The following DRC1 variants were observed in gnomAD, a reference collection of about 807,000 sequenced individuals.
The protein encoded by DRC1 is dynein regulatory complex protein 1.
In DRC1, 74 loss-of-function variants were observed where a neutral mutation model predicts 98.7. That is an observed-to-expected ratio of 0.75 (90% confidence interval 0.62 to 0.91). DRC1 has a LOEUF of 0.91. DRC1 is among the 40% of genes least tolerant of loss of function. The pLI is 0.00. For synonymous variants in DRC1, 336 were observed against 334.1 expected (o/e 1.01, Z -0.06); for missense variants, 875 against 886.0 (o/e 0.99, Z 0.16).
intron 7 of DRC1, among the ~76,000 whole-genome samples, chr2:26,438,735 A>G (rs954768463): frequency 6.6e-6 from 1 of 152,208 alleles, no homozygotes; most frequent in African/African-American, 2.4e-5. Context: ...AGTATGACCC[A>G]GAGTAGGCTG....
chr2:26,411,838 T>TTTG (rs906885253), intron 1 of DRC1, among the ~76,000 whole-genome samples: 9 of 152,150 alleles, frequency 5.9e-5, no homozygotes, highest in East Asian at 1.9e-4. Flanking sequence ...GCATGGTTTT[T>TTTG]TTGTTGTTGT....
In DRC1 at chr2:26,401,961, G is replaced by T; in HGVS notation, c.-29G>T. On this transcript the variant is annotated 5_prime_UTR_variant, in exon 1 of 17. Coordinates refer to ENST00000288710, the MANE Select transcript of DRC1 (RefSeq NM_145038.5). ...CTGAGGTCTGGAGGTGGTGCGGAGG[G>T]AGCCGCCTAGGGACCAGGGACTCCT... is the stretch of plus-strand genomic sequence containing the variant. 1 of 1,571,478 alleles carries T rather than the reference G, an allele frequency of 6.4e-7. No individual in the cohort carries two copies. Among genetic ancestry groups the T allele is most frequent in the Non-Finnish European group, 8.6e-7 (1 of 1,158,460 alleles).
At chr2:26,434,657 C>T (rs531721886) in intron 7 of DRC1, among the ~76,000 whole-genome samples, 6 of 152,170 alleles carry the variant, frequency 3.9e-5, no homozygotes, top group East Asian at 1.9e-4. Context: ...TTTGGGAGGC[C>T]GAGGCAGGTG....
chr2:26,429,830 G>C, intron 5 of DRC1, 65 bp downstream of exon 5: 10 of 1,552,076 alleles, frequency 6.4e-6, no homozygotes, highest in Non-Finnish European at 8.7e-6. Flanking sequence ...GTCTAGGTCT[G>C]TCCTAATAAT....
Position 26,414,354 on chromosome 2 carries a change from G to A in DRC1, c.166G>A (p.Gly56Arg), listed in dbSNP as rs751153142. Residue 56 changes from glycine to arginine, a missense_variant, in exon 2 of 17, where the codon GGA becomes AGA. Transcript: ENST00000288710. ...TTTTTTCCATCACAGGGAAGCACTT[G>A]GAGAATATTTAGATGGGAAGAAGGA... is the stretch of plus-strand genomic sequence containing the variant. ...RLEARRREAL[G>R]EYLDGKKESE... 1.2e-6 allele frequency: 2 copies of A among 1,613,850 alleles called. No individual in the cohort carries two copies. Among genetic ancestry groups the A allele is most frequent in the Non-Finnish European group, 1.7e-6 (2 of 1,179,910 alleles).
At position 26,418,595 on chromosome 2, in the gene DRC1, T is replaced by A. The variant is rs1334079494; in HGVS notation, c.244-2693T>A. Among the ~76,000 whole-genome samples, 191 of 100,010 alleles carry A rather than the reference T, an allele frequency of 1.9e-3. 2 individuals are homozygous for A. Among genetic ancestry groups the A allele is most frequent in the Middle Eastern group, 4.3e-3 (1 of 234 alleles). 65.6% of individuals were successfully genotyped at this position (100,010 alleles called of 152,430 possible). ...TATATTATATATAAATTATATATAA[T>A]TTATATAATATATAAATTATATATA... is the stretch of plus-strand genomic sequence containing the variant. On this transcript the variant is annotated intron_variant, in intron 2 of 16. Transcript: ENST00000288710.
chr2:26,418,721 T>TAAATTATATTTAATTTATATAATATAA (rs1558438428), intron 2 of DRC1, among the ~76,000 whole-genome samples: 8 of 100,334 alleles, frequency 8.0e-5, no homozygotes, highest in African/African-American at 3.2e-4. Context: ...ATATAATATA[T>TAAATTATATTTAATTTATATAATATAA]AAATTATATT....
chr2:26,435,127 A>G (rs1179607130), intron 7 of DRC1, among the ~76,000 whole-genome samples: 1 of 152,152 alleles, frequency 6.6e-6, no homozygotes, highest in Non-Finnish European at 1.5e-5. Context: ...CTGCTGGCAC[A>G]TTGGTGGCAG....
chr2:26,416,447 G>C (rs1174743310), intron 2 of DRC1, among the ~76,000 whole-genome samples: 1 of 152,028 alleles, frequency 6.6e-6, no homozygotes, highest in African/African-American at 2.4e-5. Context: ...GCCTTACCAT[G>C]TTTTTAGTGG....
intron 10 of DRC1, among the ~76,000 whole-genome samples, chr2:26,446,169 T>G (rs1663847601): frequency 6.7e-6 from 1 of 148,218 alleles, no homozygotes; most frequent in African/African-American, 2.5e-5. Flanking sequence ...GGATCTCGGC[T>G]CACTGCAACC....
At chr2:26,425,794 G>A (rs889331033) in intron 4 of DRC1, among the ~76,000 whole-genome samples, 1 of 151,938 alleles carries the variant, frequency 6.6e-6, no homozygotes, top group Non-Finnish European at 1.5e-5. Flanking sequence ...AGTTCTTTAT[G>A]TATTTTGGAC....
chr2:26,412,020 G>C (rs188089403), intron 1 of DRC1, among the ~76,000 whole-genome samples: 2 of 152,140 alleles, frequency 1.3e-5, no homozygotes, highest in African/African-American at 4.8e-5. Context: ...TGAGTAAAAT[G>C]GAACAATTAG....
intron 2 of DRC1, among the ~76,000 whole-genome samples, chr2:26,419,974 G>C (rs1048001593): frequency 1.3e-5 from 2 of 152,156 alleles, no homozygotes; most frequent in Non-Finnish European, 2.9e-5. Context: ...CATATCATTA[G>C]CTGCAGCAGG....
chr2:26,445,982 C>T (rs1013913695), intron 10 of DRC1, among the ~76,000 whole-genome samples: 10 of 151,938 alleles, frequency 6.6e-5, no homozygotes, highest in South Asian at 2.1e-4. Flanking sequence ...TTTTTAACAG[C>T]GTCCTGGCTC....
In DRC1 at chr2:26,413,019, C is replaced by T. The variant is rs150408706; in HGVS notation, c.156-1325C>T. Among the ~76,000 whole-genome samples the T allele has an allele frequency of 8.6e-3, 1,308 of 152,256 alleles. 19 individuals carry two copies. Among genetic ancestry groups the T allele is most frequent in the African/African-American group, 0.03 (1,242 of 41,542 alleles). On this transcript the variant is annotated intron_variant, in intron 1 of 16. Transcript: ENST00000288710. ...GGGTAGTCTCGATCTCCTGACCTCG[C>T]GATCCACCCGCCTCGGCCTCCCAAA...
At chr2:26,439,934 TATACACACACAC>T (rs1219681999) in intron 7 of DRC1, among the ~76,000 whole-genome samples, 2 of 111,662 alleles carry the variant, frequency 1.8e-5, no homozygotes, top group Non-Finnish European at 3.6e-5. Context: ...TATATATATA[TATACACACACAC>T]ATACACACAC....
At position 26,448,728 on chromosome 2, in the gene DRC1, G is replaced by A. The variant is rs759743934; in HGVS notation, c.1434G>A (p.Glu478=). Reference sequence around the variant, plus strand: ...CAGAAGAGGCCGCCGCGGAACCAGAGTCCTACCTGGATTTGCCGAAGCAAA... The same window carrying A: ...CAGAAGAGGCCGCCGCGGAACCAGAATCCTACCTGGATTTGCCGAAGCAAA... ...EEAEEAAAEP[E]SYLDLPKQIS... is the part of the protein sequence containing the mutation. The change falls in exon 11 of 17, where the codon GAG becomes GAA. Residue 478 remains glutamate (E), a synonymous_variant. Transcript: ENST00000288710. 1.9e-6 allele frequency: 3 copies of A among 1,614,238 alleles called. No homozygotes were observed. Among genetic ancestry groups the A allele is most frequent in the Non-Finnish European group, 2.5e-6 (3 of 1,180,054 alleles).
rs1254449048 is a variant in DRC1 at position 26,431,962 on chromosome 2, G to A, written c.844G>A (p.Glu282Lys). 6.2e-6 allele frequency: 10 copies of A among 1,614,188 alleles called. No individual in the cohort carries two copies. The highest frequency in any genetic ancestry group is 2.2e-5 in the South Asian group (2 of 91,084). Residue 282 changes from glutamate (E) to lysine (K), a missense_variant, in exon 7 of 17, where the codon GAA (glutamate) becomes AAA (lysine). Glu to Lys is a moderately conservative substitution (Grantham distance 56). Coordinates refer to ENST00000288710, the MANE Select transcript of DRC1 (RefSeq NM_145038.5). The part of the protein sequence containing the change: ...QLNRQRIWDC[E>K]EYNMIKIKLE... ...GAACAGGCAGAGGATCTGGGATTGCGAAGAATACAACATGATCAAGATCAA... is the reference window on the plus strand; with the variant it reads ...GAACAGGCAGAGGATCTGGGATTGCAAAGAATACAACATGATCAAGATCAA...
chr2:26,417,093 C>G (rs923265554), intron 2 of DRC1, among the ~76,000 whole-genome samples: 16 of 152,058 alleles, frequency 1.1e-4, no homozygotes, highest in African/African-American at 3.6e-4. Flanking sequence ...TATGAGGAAT[C>G]CACCCCCATG....
Sources: gnomAD v4.1 joint callset for allele counts (sites outside exome capture counted in the v4.1 genomes callset) on GRCh38, gnomAD v4.1.1 for gene constraint, MANE v1.5 for transcripts, NCBI Gene and HGNC (gene_info 2026-07-23, HGNC 2026-07-21) for gene names.